HSD17B3: variants seen among roughly 807,000 people sequenced by gnomAD.
HSD17B3 encodes 17-beta-hydroxysteroid dehydrogenase type 3.
Under a neutral mutation model 41.1 loss-of-function variants are expected in HSD17B3, and 29 were observed. The observed-to-expected ratio is 0.71, with a 90% confidence interval of 0.53 to 0.96. HSD17B3 has a LOEUF of 0.96. Among genes scored for constraint, HSD17B3 ranks in the 40% least tolerant of loss-of-function variants. The probability of loss-of-function intolerance (pLI) is 0.00; values close to 1 mark genes in which losing one functional copy is unlikely to be tolerated. For synonymous variants in HSD17B3, 126 were observed against 145.6 expected (o/e 0.87, Z 0.97); for missense variants, 323 against 374.6 (o/e 0.86, Z 1.14).
At chr9:96,241,645 A>C (rs924103828) in intron 9 of HSD17B3, among the ~76,000 whole-genome samples, 2 of 152,150 alleles carry the variant, frequency 1.3e-5, no homozygotes, top group Non-Finnish European at 1.5e-5. Flanking sequence ...CATCTTTAGA[A>C]AGAAAAAAGG....
chr9:96,280,800 A>G (rs1826661180), intron 2 of HSD17B3, among the ~76,000 whole-genome samples: 1 of 152,178 alleles, frequency 6.6e-6, no homozygotes, highest in Non-Finnish European at 1.5e-5. Context: ...TGCAGTAAAA[A>G]AGCCAGCTAA....
intron 6 of HSD17B3, among the ~76,000 whole-genome samples, chr9:96,248,921 T>C (rs997654168): frequency 6.6e-6 from 1 of 151,682 alleles, no homozygotes; most frequent in Non-Finnish European, 1.5e-5. Flanking sequence ...TTTTTTTTTT[T>C]TGGAGACAGA....
intron 2 of HSD17B3, among the ~76,000 whole-genome samples, chr9:96,292,294 A>G (rs1827188437): frequency 6.6e-6 from 1 of 152,238 alleles, no homozygotes; most frequent in Non-Finnish European, 1.5e-5. Flanking sequence ...GAGTGTTACA[A>G]GGAGAGAAGA....
chr9:96,287,215 C>T (rs934452037), intron 2 of HSD17B3, among the ~76,000 whole-genome samples: 16 of 152,294 alleles, frequency 1.1e-4, no homozygotes, highest in African/African-American at 3.6e-4. Flanking sequence ...GCCAGTGTTC[C>T]CCACTGGCCA....
At chr9:96,301,898 TAAC>T in intron 1 of HSD17B3, 50 bp downstream of exon 1, 1 of 1,572,150 alleles carries the variant, frequency 6.4e-7, no homozygotes, top group Non-Finnish European at 8.7e-7. Flanking sequence ...ATAATAATAG[TAAC>T]AAGCAGGAAC....
At chr9:96,253,132 T>C (rs938361236) in intron 3 of HSD17B3, among the ~76,000 whole-genome samples, 24 of 152,194 alleles carry the variant, frequency 1.6e-4, no homozygotes, top group Non-Finnish European at 1.5e-5. Context: ...GGGACACGTA[T>C]ATGCATTAAG....
chr9:96,282,531 G>C (rs1826737821), intron 2 of HSD17B3, among the ~76,000 whole-genome samples: 1 of 152,178 alleles, frequency 6.6e-6, no homozygotes, highest in African/African-American at 2.4e-5. Flanking sequence ...TGGCGCATTA[G>C]TTCTAGATAA....
chr9:96,273,396 T>C (rs1483827690), intron 2 of HSD17B3, among the ~76,000 whole-genome samples: 2 of 152,198 alleles, frequency 1.3e-5, no homozygotes, highest in Non-Finnish European at 2.9e-5. Flanking sequence ...TGTATCTGTG[T>C]CACCCCATCT....
intron 2 of HSD17B3, among the ~76,000 whole-genome samples, chr9:96,287,350 C>T (rs1329702381): frequency 6.6e-6 from 1 of 152,204 alleles, no homozygotes; most frequent in Non-Finnish European, 1.5e-5. Context: ...CTGGGTGGAG[C>T]AGACAAGGGT....
chr9:96,254,781 G>T, intron 3 of HSD17B3, 87 bp downstream of exon 3: 1 of 1,130,380 alleles, frequency 8.8e-7, no homozygotes, highest in Non-Finnish European at 1.3e-6. Flanking sequence ...GCAGATGTGG[G>T]GATGCCAAGT....
intron 10 of HSD17B3, among the ~76,000 whole-genome samples, chr9:96,237,207 A>G (rs1836268739): frequency 6.6e-6 from 1 of 152,248 alleles, no homozygotes; most frequent in African/African-American, 2.4e-5. Flanking sequence ...GAAAATAAGC[A>G]AAATAAATTA....
chr9:96,268,661 T>C (rs113703045), intron 2 of HSD17B3, among the ~76,000 whole-genome samples: 2 of 152,102 alleles, frequency 1.3e-5, no homozygotes, highest in African/African-American at 4.8e-5. Context: ...CACAAAAACT[T>C]TGGAAAGCCA....
At chr9:96,247,933 C>T (rs1836737901) in intron 6 of HSD17B3, among the ~76,000 whole-genome samples, 1 of 152,206 alleles carries the variant, frequency 6.6e-6, no homozygotes. Flanking sequence ...TGCTTCTAAC[C>T]AGCATGGTTC....
chr9:96,255,510 C>T (rs1825615935), intron 2 of HSD17B3, among the ~76,000 whole-genome samples: 1 of 150,778 alleles, frequency 6.6e-6, no homozygotes, highest in Admixed American at 6.6e-5. Flanking sequence ...CTGCCTCAGC[C>T]TCCCAAGTAG....
intron 2 of HSD17B3, among the ~76,000 whole-genome samples, chr9:96,261,941 T>G (rs1445366750): frequency 6.6e-6 from 1 of 152,168 alleles, no homozygotes; most frequent in African/African-American, 2.4e-5. Context: ...GTTCAGCACT[T>G]GGACTACTGC....
chr9:96,276,380 A>AT (rs1430634902), intron 2 of HSD17B3, among the ~76,000 whole-genome samples: 35 of 152,170 alleles, frequency 2.3e-4, no homozygotes, highest in East Asian at 1.9e-4. Flanking sequence ...TCTCAATGGC[A>AT]TTTTTTATAG....
chr9:96,239,460 C>T (rs543227719), intron 10 of HSD17B3: 5 of 152,202 alleles, frequency 3.3e-5, no homozygotes, highest in African/African-American at 7.2e-5. Flanking sequence ...GACTTTATAT[C>T]CTCTCTGCAT....
At chr9:96,282,840 T>G (rs892955718) in intron 2 of HSD17B3, among the ~76,000 whole-genome samples, 7 of 152,192 alleles carry the variant, frequency 4.6e-5, no homozygotes, top group African/African-American at 7.2e-5. Context: ...ATTAAAAGGT[T>G]AAAAGTTTAA....
At chr9:96,301,525 A>T (rs1037568244) in intron 1 of HSD17B3, among the ~76,000 whole-genome samples, 6 of 151,168 alleles carry the variant, frequency 4.0e-5, no homozygotes, top group African/African-American at 1.2e-4. Flanking sequence ...AGCCTGGCCA[A>T]CATGGGGGAA....
Sources: allele counts gnomAD v4.1 joint callset (sites outside exome capture counted in the v4.1 genomes callset), GRCh38; gene constraint gnomAD v4.1.1; transcripts MANE v1.5; gene names NCBI Gene and HGNC (gene_info 2026-07-23, HGNC 2026-07-21).